Variants in KCNK3 observed in about 807,000 individuals in gnomAD.
The protein encoded by KCNK3 is potassium two pore domain channel subfamily K member 3.
KCNK3 carries 9 observed loss-of-function variants against 27.3 expected under a neutral mutation model. The ratio of observed to expected loss-of-function variants is 0.33; its 90% CI spans 0.20 to 0.57. The LOEUF is 0.57. Ranked by LOEUF, KCNK3 falls within the 20% of genes least tolerant of loss-of-function variation. KCNK3 has a pLI of 0.87. For synonymous variants in KCNK3, 278 were observed against 273.8 expected (o/e 1.02, Z -0.15); for missense variants, 391 against 577.7 (o/e 0.68, Z 3.31).
chr2:26,715,938 T>C (rs1663223315), intron 1 of KCNK3, among the ~76,000 whole-genome samples: 1 of 152,202 alleles, frequency 6.6e-6, no homozygotes, highest in African/African-American at 2.4e-5. Flanking sequence ...GTCTCCACTG[T>C]TTGTGAGGGA....
At position 26,728,127 on chromosome 2, in the gene KCNK3, C is replaced by A. The variant is rs1429533481; in HGVS notation, c.744C>A (p.Thr248=). 1 of 1,605,372 alleles carries A rather than the reference C, an allele frequency of 6.2e-7. No homozygotes were observed. Among genetic ancestry groups the A allele is most frequent in the Admixed American group, 1.7e-5 (1 of 58,674 alleles). ...FLNLVVLRFM[T]MNAEDEKRDA... is the part of the protein sequence containing the mutation. The stretch of plus-strand genomic sequence containing the variant: ...ACCTCGTGGTGCTGCGCTTCATGAC[C>A]ATGAACGCCGAGGACGAGAAGCGCG... Residue 248 remains threonine, a synonymous_variant, in exon 2 of 2, where the codon ACC becomes ACA. Transcript: ENST00000302909.
intron 1 of KCNK3, among the ~76,000 whole-genome samples, chr2:26,710,590 G>A (rs1241688325): frequency 1.3e-5 from 2 of 152,160 alleles, no homozygotes; most frequent in South Asian, 2.1e-4. Context: ...GGGGGAAGAG[G>A]GAAGCCCTGG....
Position 26,731,107 on chromosome 2 carries a change from G to T in KCNK3, c.*2539G>T, listed in dbSNP as rs1219696223. ...CCCGGGCAGCCCCCGGACTCCAAAG[G>T]TCGTGGCTGCCACAGCCTCCCTCAG... On this transcript the variant is annotated 3_prime_UTR_variant, in exon 2 of 2. Coordinates refer to ENST00000302909, the MANE Select transcript of KCNK3 (RefSeq NM_002246.3). The T allele has an allele frequency of 1.3e-5, 2 of 152,354 alleles. No homozygotes were observed. The highest frequency in any genetic ancestry group is 1.9e-4 in the East Asian group (1 of 5,184). 9.4% of individuals were successfully genotyped at this position (152,354 alleles called of 1,614,324 possible).
intron 1 of KCNK3, among the ~76,000 whole-genome samples, chr2:26,700,748 C>CCAT (rs1036399936): frequency 1.6e-5 from 1 of 61,486 alleles, no homozygotes; most frequent in Non-Finnish European, 3.7e-5. Flanking sequence ...ATCATCATCA[C>CCAT]CATCATCATC....
chr2:26,715,494 G>C (rs1663213201), intron 1 of KCNK3, among the ~76,000 whole-genome samples: 1 of 152,232 alleles, frequency 6.6e-6, no homozygotes, highest in Non-Finnish European at 1.5e-5. Context: ...AGCAGCAGCA[G>C]CTAAATAAAT....
intron 1 of KCNK3, among the ~76,000 whole-genome samples, chr2:26,717,814 T>C (rs1663258835): frequency 6.6e-6 from 1 of 152,154 alleles, no homozygotes; most frequent in African/African-American, 2.4e-5. Flanking sequence ...CTGCTTATCC[T>C]CTCCGTCTCC....
At position 26,693,468 on chromosome 2, in the gene KCNK3, G is replaced by C. The variant is rs528619264; in HGVS notation, c.283+310G>C. On this transcript the variant is annotated intron_variant, in intron 1 of 1. Transcript: ENST00000302909. The surrounding 1 kb of genome is among the most constrained non-coding windows in gnomAD (Gnocchi z 5.5). ...GGGCAGGGACGACCGGCGGAGGCTC[G>C]GGCAGGAGGGGTGTGGCCGGGCCAG... Among the ~76,000 whole-genome samples, 7 of 152,230 alleles carry C rather than the reference G, an allele frequency of 4.6e-5. No individual in the cohort carries two copies. The highest frequency in any genetic ancestry group is 1.0e-4 in the Non-Finnish European group (7 of 68,024).
intron 1 of KCNK3, among the ~76,000 whole-genome samples, chr2:26,704,662 C>T (rs1400812638): frequency 1.3e-5 from 2 of 152,214 alleles, no homozygotes; most frequent in African/African-American, 4.8e-5. Context: ...CCCGCTCCTC[C>T]AGGATGAGGT....
chr2:26,707,766 G>C (rs1670393474), intron 1 of KCNK3, among the ~76,000 whole-genome samples: 2 of 152,210 alleles, frequency 1.3e-5, no homozygotes, highest in Non-Finnish European at 2.9e-5. Flanking sequence ...CAGATTCTTT[G>C]AGAACCACTG....
chr2:26,727,654 CA>C lies in KCNK3; in HGVS notation c.284-12del, dbSNP rs1305905557. 3 of 1,511,036 alleles carry C rather than the reference CA, an allele frequency of 2.0e-6. No homozygotes were observed. The highest frequency in any genetic ancestry group is 1.4e-5 in the African/African-American group (1 of 71,516). 93.6% of individuals were successfully genotyped at this position (1,511,036 alleles called of 1,614,324 possible). ...AATGTGTGCTTTTTCTCCTCTTTCC[CA>C]CTTTCCCCCAGGCTACGGGCACGCG... On this transcript the variant is annotated splice_polypyrimidine_tract_variant and intron_variant, in intron 1 of 1. Transcript: ENST00000302909.
intron 1 of KCNK3, among the ~76,000 whole-genome samples, chr2:26,712,050 C>T (rs756201001): frequency 1.3e-5 from 2 of 152,196 alleles, no homozygotes; most frequent in Non-Finnish European, 2.9e-5. Context: ...AGTCACTCTC[C>T]TCTTATACCC....
At chr2:26,714,277 A>G (rs560196998) in intron 1 of KCNK3, among the ~76,000 whole-genome samples, 306 of 151,434 alleles carry the variant, frequency 2.0e-3, no homozygotes, top group African/African-American at 7.1e-3. Flanking sequence ...GCAGGCCCAG[A>G]ATCAAGAGGC....
At chr2:26,713,300 G>A (rs1005651241) in intron 1 of KCNK3, among the ~76,000 whole-genome samples, 4 of 152,200 alleles carry the variant, frequency 2.6e-5, no homozygotes, top group East Asian at 3.9e-4. Flanking sequence ...GCTCAGAGGC[G>A]AGGCATGGGA....
intron 1 of KCNK3, among the ~76,000 whole-genome samples, chr2:26,696,776 G>C (rs1416267396): frequency 1.3e-5 from 2 of 152,174 alleles, no homozygotes; most frequent in Non-Finnish European, 2.9e-5. Context: ...GGGCTTCGGA[G>C]ATCAGCTGGT....
intron 1 of KCNK3, among the ~76,000 whole-genome samples, chr2:26,701,586 T>C (rs1019010524): frequency 2.6e-5 from 4 of 152,232 alleles, no homozygotes; most frequent in African/African-American, 4.8e-5. Context: ...CAGCCTGTCT[T>C]AGTTTGGGCT....
In KCNK3 at chr2:26,731,956, C is replaced by G. The variant is rs1001809712; in HGVS notation, c.*3388C>G. ...CCCAGTCAGCCAGGAGAATGGATTC[C>G]TTCTCCTGCAGTAGGGGCCCCCTGG... On this transcript the variant is annotated 3_prime_UTR_variant, in exon 2 of 2. Coordinates refer to ENST00000302909, the MANE Select transcript of KCNK3 (RefSeq NM_002246.3). 1.5e-4 allele frequency: 23 copies of G among 152,246 alleles called. No individual in the cohort carries two copies. The highest frequency in any genetic ancestry group is 1.4e-3 in the Admixed American group (21 of 15,294). 9.4% of individuals were successfully genotyped at this position (152,246 alleles called of 1,614,324 possible).
At chr2:26,717,220 A>G (rs1317602010) in intron 1 of KCNK3, among the ~76,000 whole-genome samples, 2 of 152,108 alleles carry the variant, frequency 1.3e-5, no homozygotes, top group South Asian at 2.1e-4. Flanking sequence ...CCCTGCCCCC[A>G]TAACACTGCC....
chr2:26,714,077 GAA>G (rs753616991), intron 1 of KCNK3, among the ~76,000 whole-genome samples: 4 of 136,986 alleles, frequency 2.9e-5, no homozygotes, highest in African/African-American at 2.7e-5. Context: ...CCTCTGTCTT[GAA>G]AAAAAAAAAA....
intron 1 of KCNK3, among the ~76,000 whole-genome samples, chr2:26,726,106 CAGAGAGAGAGAGAG>C (rs1168877805): frequency 2.9e-4 from 24 of 81,818 alleles, no homozygotes; most frequent in African/African-American, 1.5e-3. Flanking sequence ...CACACACACA[CAGAGAGAGAGAGAG>C]AGAGAGAGAG....
Sources: gnomAD v4.1 joint callset for allele counts (sites outside exome capture counted in the v4.1 genomes callset) on GRCh38, gnomAD v4.1.1 for gene constraint, Gnocchi (gnomAD v3.1) non-coding constraint, MANE v1.5 for transcripts, NCBI Gene and HGNC (gene_info 2026-07-23, HGNC 2026-07-21) for gene names.